The following TYW1B variants were observed in gnomAD, a reference collection of about 807,000 sequenced individuals.
The protein encoded by TYW1B is S-adenosyl-L-methionine-dependent tRNA 4-demethylwyosine synthase TYW1B.
In TYW1B, 73 loss-of-function variants were observed where a neutral mutation model predicts 86.9. That is an observed-to-expected ratio of 0.84 (90% confidence interval 0.70 to 1.02). The LOEUF is 1.02. TYW1B is among the 50% of genes least tolerant of loss of function. The pLI, the probability that TYW1B is intolerant of heterozygous loss-of-function variation, is 0.00. For missense variants in TYW1B, 637 were observed against 827.4 expected, an observed-to-expected ratio of 0.77 and a Z score of 2.82; for synonymous variants, 248 against 292.8, an observed-to-expected ratio of 0.85 and a Z score of 1.56.
chr7:72,717,163 T>C (rs1786804825), intron 9 of TYW1B, among the ~76,000 whole-genome samples: 1 of 151,854 alleles, frequency 6.6e-6, no homozygotes, highest in Non-Finnish European at 1.5e-5. Context: ...TAGCCAGGCG[T>C]GGTGGTGCAT....
At chr7:72,635,312 T>A (rs1812640412) in intron 11 of TYW1B, among the ~76,000 whole-genome samples, 1 of 152,240 alleles carries the variant, frequency 6.6e-6, no homozygotes, top group South Asian at 2.1e-4. Context: ...AATATCACAC[T>A]TTTAATTACT....
At chr7:72,667,031 C>CAA (rs60691255) in intron 11 of TYW1B, among the ~76,000 whole-genome samples, 2 of 42,368 alleles carry the variant, frequency 4.7e-5, no homozygotes, top group Non-Finnish European at 7.6e-5. Context: ...GACTCCGTCT[C>CAA]AAAAAAAAAA....
intron 7 of TYW1B, among the ~76,000 whole-genome samples, chr7:72,748,255 C>A (rs1340802383): frequency 1.3e-5 from 2 of 151,768 alleles, no homozygotes; most frequent in Non-Finnish European, 2.9e-5. Flanking sequence ...GGTGACAGAG[C>A]GAGACTCCGC....
At chr7:72,735,913 G>T (rs148409002) in intron 8 of TYW1B, among the ~76,000 whole-genome samples, 1 of 151,976 alleles carries the variant, frequency 6.6e-6, no homozygotes, top group Non-Finnish European at 1.5e-5. Context: ...CCTATTTAAG[G>T]TTTATAAATC....
At chr7:72,798,121 C>T (rs1788340660) in intron 6 of TYW1B, among the ~76,000 whole-genome samples, 2 of 151,976 alleles carry the variant, frequency 1.3e-5, no homozygotes, top group Admixed American at 6.6e-5. Context: ...CCGTCTCAGC[C>T]GGCCGGGCGC....
At chr7:72,634,017 T>G (rs773885139) in intron 11 of TYW1B, among the ~76,000 whole-genome samples, 1 of 152,172 alleles carries the variant, frequency 6.6e-6, no homozygotes, top group Non-Finnish European at 1.5e-5. Flanking sequence ...AGTGGCCCAG[T>G]AGAGTGCATG....
chr7:72,632,285 G>GTATATATATATATATATAA (rs1239640717), intron 11 of TYW1B, among the ~76,000 whole-genome samples: 2 of 83,544 alleles, frequency 2.4e-5, no homozygotes, highest in East Asian at 3.0e-4. Flanking sequence ...ATATATACGT[G>GTATATATATATATATATAA]TATATATATA....
At chr7:72,815,537 T>C (rs1554479280) in intron 2 of TYW1B, 56 bp from the exon 3 acceptor site, 1 of 1,485,340 alleles carries the variant, frequency 6.7e-7, no homozygotes, top group Non-Finnish European at 9.2e-7. Flanking sequence ...AATATAGCCC[T>C]CATTTACCCC....
In TYW1B at chr7:72,634,718, T is replaced by A. The variant is rs1435968966; in HGVS notation, c.1507-5721A>T. Among the ~76,000 whole-genome samples the A allele has an allele frequency of 7.0e-4, 107 of 152,292 alleles. 2 individuals carry two copies. Among genetic ancestry groups the A allele is most frequent in the Non-Finnish European group, 2.8e-4 (19 of 68,034 alleles). ...TTCACCACTTTTGCATTGTTTTGGT[T>A]TTGCATCTGCCTGCAGATGTAAGCA... On this transcript the variant is annotated intron_variant, in intron 11 of 13. Coordinates refer to ENST00000620995, the MANE Select transcript of TYW1B (RefSeq NM_001145440.3).
At chr7:72,813,167 T>A (rs1458868997) in intron 3 of TYW1B, among the ~76,000 whole-genome samples, 1 of 149,510 alleles carries the variant, frequency 6.7e-6, no homozygotes, top group Non-Finnish European at 1.5e-5. Context: ...TCTACATACT[T>A]CTTCTTTTTT....
chr7:72,634,362 T>C (rs1233738279), intron 11 of TYW1B, among the ~76,000 whole-genome samples: 5 of 147,544 alleles, frequency 3.4e-5, no homozygotes, highest in African/African-American at 7.6e-5. Context: ...TTTTCTTTTT[T>C]TTTTTCTGTA....
intron 5 of TYW1B, among the ~76,000 whole-genome samples, chr7:72,804,284 C>CAA (rs797037230): frequency 1.1e-4 from 8 of 70,838 alleles, no homozygotes; most frequent in East Asian, 1.1e-3. Context: ...GACTCCATCT[C>CAA]AAAAAAAAAA....
chr7:72,699,291 TC>T (rs1398880277), intron 10 of TYW1B, among the ~76,000 whole-genome samples: 5 of 152,062 alleles, frequency 3.3e-5, no homozygotes, highest in Admixed American at 6.6e-5. Context: ...TCACAAACTA[TC>T]CCCCCATGGC....
At chr7:72,687,325 C>T (rs1348609393) in intron 11 of TYW1B, among the ~76,000 whole-genome samples, 7 of 152,124 alleles carry the variant, frequency 4.6e-5, no homozygotes, top group Non-Finnish European at 1.0e-4. Context: ...ATTCCAGCTA[C>T]TTGGGAGCTG....
chr7:72,619,147 T>C (rs1812153064), intron 12 of TYW1B, among the ~76,000 whole-genome samples: 1 of 152,282 alleles, frequency 6.6e-6, no homozygotes, highest in Non-Finnish European at 1.5e-5. Flanking sequence ...AATCACTGCC[T>C]TAAAACCTGC....
chr7:72,757,763 C>T (rs1787617585), intron 7 of TYW1B, among the ~76,000 whole-genome samples: 1 of 152,202 alleles, frequency 6.6e-6, no homozygotes, highest in Non-Finnish European at 1.5e-5. Flanking sequence ...CTACAAAAGC[C>T]ACAACCTTGA....
At chr7:72,692,070 G>T (rs1554450385) in intron 11 of TYW1B, among the ~76,000 whole-genome samples, 1 of 151,698 alleles carries the variant, frequency 6.6e-6, no homozygotes, top group Non-Finnish European at 1.5e-5. Flanking sequence ...GCCGGGCATG[G>T]TGGTACGCAC....
At chr7:72,650,910 A>G (rs782765832) in intron 11 of TYW1B, among the ~76,000 whole-genome samples, 4 of 152,242 alleles carry the variant, frequency 2.6e-5, no homozygotes, top group Non-Finnish European at 4.4e-5. Flanking sequence ...ACTTTTCCAT[A>G]TTAACCTACA....
Position 72,690,541 on chromosome 7 carries a change from G to A in TYW1B, c.1506+4146C>T, listed in dbSNP as rs1814123173. ...CTACCTTCTTCTTTGGGTAGTACTAGATCAGAAATAGGCTGAAAATCTTGG... is the reference window on the plus strand; with the variant it reads ...CTACCTTCTTCTTTGGGTAGTACTAAATCAGAAATAGGCTGAAAATCTTGG... On this transcript the variant is annotated intron_variant, in intron 11 of 13. Transcript: ENST00000620995. Among the ~76,000 whole-genome samples, 10 of 152,314 alleles carry A rather than the reference G, an allele frequency of 6.6e-5. 1 individual carries two copies. In the South Asian group the frequency reaches 2.1e-3, roughly 32 times the overall value.
Sources: gnomAD v4.1 joint callset for allele counts (sites outside exome capture counted in the v4.1 genomes callset) on GRCh38, gnomAD v4.1.1 for gene constraint, MANE v1.5 for transcripts, NCBI Gene and HGNC (gene_info 2026-07-23, HGNC 2026-07-21) for gene names.